Variants in ARHGAP24 observed in about 807,000 individuals in gnomAD.
ARHGAP24 encodes Rho GTPase activating protein 24.
Under a neutral mutation model 76.4 loss-of-function variants are expected in ARHGAP24, and 50 were observed. The observed-to-expected ratio is 0.65, with a 90% CI of 0.52 to 0.83. The LOEUF is 0.83. ARHGAP24 is among the 40% of genes least tolerant of loss of function. ARHGAP24 has a pLI of 0.00. For missense variants in ARHGAP24, 930 were observed against 914.2 expected (o/e 1.02, Z -0.22); for synonymous variants, 345 against 323.3 (o/e 1.07, Z -0.72).
chr4:85,982,909 A>G (rs527606802), intron 8 of ARHGAP24, among the ~76,000 whole-genome samples: 3 of 151,986 alleles, frequency 2.0e-5, no homozygotes, highest in East Asian at 3.9e-4. Flanking sequence ...ACATTTCCTG[A>G]TGTTTTCCCT....
intron 2 of ARHGAP24, among the ~76,000 whole-genome samples, chr4:85,620,279 T>G (rs4693721): frequency 0.93 from 141,539 of 151,976 alleles, 65,948 homozygotes; most frequent in East Asian, 0.98. Context: ...AAGCCATCAG[T>G]TTCTGGGATT....
chr4:85,893,995 T>C (rs13115144), intron 3 of ARHGAP24, among the ~76,000 whole-genome samples: 45,345 of 136,492 alleles, frequency 0.33, 8,482 homozygotes, highest in Non-Finnish European at 0.42. Flanking sequence ...ATATACCTAA[T>C]GCTAGATGAC....
intron 3 of ARHGAP24, among the ~76,000 whole-genome samples, chr4:85,832,452 C>T (rs950303653): frequency 6.6e-6 from 1 of 152,150 alleles, no homozygotes. Flanking sequence ...TTCAGGCCCA[C>T]AAGGCCTCAG....
chr4:85,568,463 A>G (rs1487417742), intron 1 of ARHGAP24, among the ~76,000 whole-genome samples: 1 of 152,184 alleles, frequency 6.6e-6, no homozygotes, highest in African/African-American at 2.4e-5. Flanking sequence ...GAGATGAAAA[A>G]GATTATTTAG....
chr4:85,835,728 CG>C (rs1730248666), intron 3 of ARHGAP24, among the ~76,000 whole-genome samples: 2 of 151,682 alleles, frequency 1.3e-5, no homozygotes, highest in African/African-American at 4.8e-5. Flanking sequence ...CTCTGTTGCC[CG>C]GGCAGGAGTG....
At chr4:85,516,858 G>C (rs2110108787) in intron 1 of ARHGAP24, among the ~76,000 whole-genome samples, 1 of 151,982 alleles carries the variant, frequency 6.6e-6, no homozygotes, top group East Asian at 1.9e-4. Flanking sequence ...ATAGCTGTAA[G>C]GGCTTTCCTG....
At chr4:85,947,387 T>G (rs1737346421) in intron 5 of ARHGAP24, among the ~76,000 whole-genome samples, 1 of 152,210 alleles carries the variant, frequency 6.6e-6, no homozygotes. Context: ...TTTTGAAGAC[T>G]TGACCATAAA....
At chr4:85,683,117 T>TGGGGGGGGGGGGGGGGGGGGGGGGGGGGG (rs201448168) in intron 2 of ARHGAP24, among the ~76,000 whole-genome samples, 1 of 56,946 alleles carries the variant, frequency 1.8e-5, no homozygotes, top group Non-Finnish European at 3.5e-5. Flanking sequence ...TGTGGGGGGG[T>TGGGGGGGGGGGGGGGGGGGGGGGGGGGGG]GGGGGGGGGG....
At chr4:85,797,644 C>A (rs1728418985) in intron 3 of ARHGAP24, among the ~76,000 whole-genome samples, 1 of 152,174 alleles carries the variant, frequency 6.6e-6, no homozygotes, top group Non-Finnish European at 1.5e-5. Flanking sequence ...AGGCTGGCTG[C>A]CTCCATATTA....
At chr4:85,789,363 ACTTTTT>A (rs972157272) in intron 3 of ARHGAP24, among the ~76,000 whole-genome samples, 1 of 152,026 alleles carries the variant, frequency 6.6e-6, no homozygotes, top group Non-Finnish European at 1.5e-5. Context: ...GATCAGGCAG[ACTTTTT>A]CTTTTTCTTT....
At chr4:85,935,847 T>TTA (rs1324162135) in intron 4 of ARHGAP24, among the ~76,000 whole-genome samples, 1 of 152,196 alleles carries the variant, frequency 6.6e-6, no homozygotes, top group Non-Finnish European at 1.5e-5. Context: ...CTTCCTAGCA[T>TTA]TTATTATTCT....
At chr4:85,757,282 A>C (rs1171682332) in intron 3 of ARHGAP24, among the ~76,000 whole-genome samples, 2 of 146,864 alleles carry the variant, frequency 1.4e-5, no homozygotes, top group Non-Finnish European at 3.0e-5. Flanking sequence ...TTTGTTACAT[A>C]TGTATGCATG....
At chr4:85,538,163 T>A (rs898749925) in intron 1 of ARHGAP24, among the ~76,000 whole-genome samples, 1 of 151,924 alleles carries the variant, frequency 6.6e-6, no homozygotes, top group Non-Finnish European at 1.5e-5. Flanking sequence ...AGGTATGAAG[T>A]GAGATAAGAA....
chr4:85,660,579 C>T (rs1374811427), intron 2 of ARHGAP24, among the ~76,000 whole-genome samples: 2 of 151,788 alleles, frequency 1.3e-5, no homozygotes, highest in African/African-American at 4.8e-5. Context: ...AGGTGGATCA[C>T]GAGGTCAGGA....
chr4:85,492,744 A>T (rs985140142), intron 1 of ARHGAP24, among the ~76,000 whole-genome samples: 1 of 152,224 alleles, frequency 6.6e-6, no homozygotes, highest in Non-Finnish European at 1.5e-5. Context: ...AACATAAAAA[A>T]TTGCAAAATG....
chr4:85,792,822 A>C (rs941364696), intron 3 of ARHGAP24, among the ~76,000 whole-genome samples: 2 of 152,168 alleles, frequency 1.3e-5, no homozygotes, highest in Non-Finnish European at 2.9e-5. Flanking sequence ...ATTGTAAAGC[A>C]CCACTGAAGA....
chr4:85,686,458 G>T (rs1176907033), intron 2 of ARHGAP24: 1 of 152,150 alleles, frequency 6.6e-6, no homozygotes. Context: ...TCATGACAAA[G>T]AGGTATTTAA....
intron 5 of ARHGAP24, among the ~76,000 whole-genome samples, chr4:85,949,163 T>C (rs556995743): frequency 6.6e-6 from 1 of 152,266 alleles, no homozygotes; most frequent in Non-Finnish European, 1.5e-5. Context: ...ATAGCAATTT[T>C]TTTCCCCTGT....
At chr4:85,701,537 A>G (rs1724088516) in intron 2 of ARHGAP24, among the ~76,000 whole-genome samples, 1 of 152,146 alleles carries the variant, frequency 6.6e-6, no homozygotes, top group Non-Finnish European at 1.5e-5. Context: ...GCATCTTAAG[A>G]TGGCAATTAT....
Sources: gnomAD v4.1 joint callset for allele counts (sites outside exome capture counted in the v4.1 genomes callset) on GRCh38, gnomAD v4.1.1 for gene constraint, MANE v1.5 for transcripts, NCBI Gene and HGNC (gene_info 2026-07-23, HGNC 2026-07-21) for gene names.